Variants in ZNF521 observed in about 807,000 individuals in gnomAD.
ZNF521 encodes zinc finger protein 521, also known as LYST-interacting protein 3.
A neutral mutation model predicts 105.5 loss-of-function variants in ZNF521; 14 were observed. That is an observed-to-expected ratio of 0.13 (90% confidence interval 0.09 to 0.21). The LOEUF (loss-of-function observed/expected upper bound fraction) is 0.21. Ranked by LOEUF, ZNF521 falls within the 10% of genes least tolerant of loss-of-function variation. The pLI is 1.00. For synonymous variants in ZNF521, 635 were observed against 606.0 expected (o/e 1.05, Z -0.70); for missense variants, 1,233 against 1,629.7 (o/e 0.76, Z 4.19).
At chr18:25,324,643 G>C (rs1398060068) in intron 2 of ZNF521, among the ~76,000 whole-genome samples, 1 of 152,084 alleles carries the variant, frequency 6.6e-6, no homozygotes, top group Non-Finnish European at 1.5e-5. Flanking sequence ...GTCGCTGTTA[G>C]GTCTGATTTT....
At chr18:25,153,818 A>G (rs1386506608) in intron 5 of ZNF521, among the ~76,000 whole-genome samples, 1 of 152,060 alleles carries the variant, frequency 6.6e-6, no homozygotes, top group East Asian at 1.9e-4. Flanking sequence ...CTCCTCTCCA[A>G]CATGCCTTTG....
intron 5 of ZNF521, among the ~76,000 whole-genome samples, chr18:25,185,466 CA>C (rs1315096027): frequency 6.6e-6 from 1 of 152,012 alleles, no homozygotes; most frequent in Non-Finnish European, 1.5e-5. Context: ...GTAAGTTCGG[CA>C]GCAAGAGAGT....
At chr18:25,320,460 C>T (rs531978040) in intron 3 of ZNF521, among the ~76,000 whole-genome samples, 63 of 152,212 alleles carry the variant, frequency 4.1e-4, no homozygotes, top group African/African-American at 1.3e-3. Flanking sequence ...TGTGAGCCAC[C>T]GCGCCTGGCC....
chr18:25,086,675 C>T (rs555655085), intron 7 of ZNF521, among the ~76,000 whole-genome samples: 1 of 152,162 alleles, frequency 6.6e-6, no homozygotes, highest in Admixed American at 6.5e-5. Context: ...CATATTAAAC[C>T]TGAGTATTCG....
chr18:25,080,779 T>C (rs2033476139), intron 7 of ZNF521, among the ~76,000 whole-genome samples: 1 of 152,212 alleles, frequency 6.6e-6, no homozygotes, highest in African/African-American at 2.4e-5. Context: ...AGAGGAAAGT[T>C]TGTAAACATA....
chr18:25,277,703 T>C (rs1395833728), intron 3 of ZNF521, among the ~76,000 whole-genome samples: 1 of 152,218 alleles, frequency 6.6e-6, no homozygotes, highest in Non-Finnish European at 1.5e-5. Flanking sequence ...ATCTGCACTA[T>C]ATTTTTATGG....
intron 7 of ZNF521, 38 bp from the exon 8 acceptor site, chr18:25,062,779 A>AAAAAAAG: frequency 7.2e-7 from 1 of 1,390,804 alleles, no homozygotes; most frequent in Non-Finnish European, 9.7e-7. Context: ...AAAAAAAAAA[A>AAAAAAAG]AAAAAAGAGA....
At chr18:25,294,912 C>T (rs1169823168) in intron 3 of ZNF521, among the ~76,000 whole-genome samples, 2 of 136,006 alleles carry the variant, frequency 1.5e-5, no homozygotes, top group Admixed American at 7.4e-5. Flanking sequence ...TCTTTCTATA[C>T]TGCTATCTGC....
In ZNF521 at chr18:25,134,749, G is replaced by A. The variant is rs374288903; in HGVS notation, c.3659-42668C>T. On this transcript the variant is annotated intron_variant, in intron 5 of 7. Transcript: ENST00000361524. ...TTGGCCAGCCTCCTCCCCTGGCCAC[G>A]CCCCAAGGGATCCAGGCACATTCTG... Among the ~76,000 whole-genome samples, 30 of 152,156 alleles carry A rather than the reference G, an allele frequency of 2.0e-4. No homozygotes were observed. The East Asian group carries it at 4.1e-3, about 21-fold the overall frequency.
intron 2 of ZNF521, among the ~76,000 whole-genome samples, chr18:25,329,588 T>G (rs1913431469): frequency 6.6e-6 from 1 of 152,136 alleles, no homozygotes; most frequent in Non-Finnish European, 1.5e-5. Context: ...GTACCTGTGT[T>G]GCTATTCAAA....
chr18:25,155,975 A>C (rs76808079), intron 5 of ZNF521, among the ~76,000 whole-genome samples: 4,115 of 152,298 alleles, frequency 0.027, 107 homozygotes, highest in Non-Finnish European at 0.044. Flanking sequence ...AAAGATATTA[A>C]GTTTAAAGGA....
intron 2 of ZNF521, among the ~76,000 whole-genome samples, chr18:25,328,582 T>C (rs984991720): frequency 6.6e-6 from 1 of 151,416 alleles, no homozygotes; most frequent in African/African-American, 2.4e-5. Context: ...AGACGGAGTC[T>C]CGCTCTTTGG....
At chr18:25,324,174 G>A (rs1913082000) in intron 2 of ZNF521, among the ~76,000 whole-genome samples, 1 of 152,140 alleles carries the variant, frequency 6.6e-6, no homozygotes, top group Admixed American at 6.6e-5. Context: ...ATGTCCAGGT[G>A]AGTGTTTAGT....
At chr18:25,285,254 ACT>A (rs1910635159) in intron 3 of ZNF521, among the ~76,000 whole-genome samples, 1 of 151,962 alleles carries the variant, frequency 6.6e-6, no homozygotes, top group Non-Finnish European at 1.5e-5. Context: ...CAACAATATA[ACT>A]CTACATTTTC....
At chr18:25,259,335 C>T (rs890376192) in intron 3 of ZNF521, among the ~76,000 whole-genome samples, 1 of 152,232 alleles carries the variant, frequency 6.6e-6, no homozygotes, top group South Asian at 2.1e-4. Flanking sequence ...AGAAAAGAAA[C>T]TTTTGAGGCA....
At chr18:25,219,266 G>T (rs1451811560) in intron 4 of ZNF521, among the ~76,000 whole-genome samples, 1 of 152,142 alleles carries the variant, frequency 6.6e-6, no homozygotes, top group Non-Finnish European at 1.5e-5. Context: ...CTATCTCCTG[G>T]AATGTTCAAG....
At chr18:25,088,557 G>T (rs774412878) in intron 7 of ZNF521, among the ~76,000 whole-genome samples, 1 of 151,870 alleles carries the variant, frequency 6.6e-6, no homozygotes, top group Non-Finnish European at 1.5e-5. Context: ...TCTCCTCCAC[G>T]GGAACCAATA....
Position 25,251,416 on chromosome 18 carries a change from C to T in ZNF521, c.221-23719G>A, listed in dbSNP as rs1010367680. Among the ~76,000 whole-genome samples the T allele has an allele frequency of 3.3e-5, 5 of 152,192 alleles. No individual in the cohort carries two copies. In the South Asian group the frequency reaches 1.0e-3, roughly 32 times the overall value. ...ATTAGAATTGCCCATTCCAAGATCT[C>T]TTAACTTTAAAAAGATGGTTTATTC... On this transcript the variant is annotated intron_variant, in intron 3 of 7. Transcript: ENST00000361524.
At chr18:25,307,829 G>A (rs1421576691) in intron 3 of ZNF521, among the ~76,000 whole-genome samples, 4 of 152,070 alleles carry the variant, frequency 2.6e-5, no homozygotes, top group South Asian at 4.2e-4. Context: ...ACCATGTCAA[G>A]AGCTACCTTA....
Sources: gnomAD v4.1 joint callset for allele counts (sites outside exome capture counted in the v4.1 genomes callset) on GRCh38, gnomAD v4.1.1 for gene constraint, MANE v1.5 for transcripts, NCBI Gene and HGNC (gene_info 2026-07-23, HGNC 2026-07-21) for gene names.